Variants in BBX observed in about 807,000 individuals in gnomAD.
BBX encodes BBX high mobility group box domain containing.
In BBX, 30 loss-of-function variants were observed where a neutral mutation model predicts 100.2. The ratio of observed to expected loss-of-function variants is 0.30; its 90% CI spans 0.22 to 0.41. The LOEUF (loss-of-function observed/expected upper bound fraction) is 0.41, where lower values mean the gene tolerates loss of function less well. Ranked by LOEUF, BBX falls within the 10% of genes least tolerant of loss-of-function variation. The pLI is 1.00. For synonymous variants in BBX, 376 were observed against 388.1 expected (o/e 0.97, Z 0.37); for missense variants, 1,023 against 1,129.8 (o/e 0.91, Z 1.35).
At chr3:107,690,017 G>A (rs2060059802) in intron 3 of BBX, among the ~76,000 whole-genome samples, 1 of 152,122 alleles carries the variant, frequency 6.6e-6, no homozygotes, top group Admixed American at 6.5e-5. Context: ...TTATAAAGTG[G>A]TACATAGTTG....
At chr3:107,702,084 A>G (rs1054600816) in intron 3 of BBX, among the ~76,000 whole-genome samples, 6 of 152,232 alleles carry the variant, frequency 3.9e-5, no homozygotes, top group Non-Finnish European at 7.3e-5. Flanking sequence ...CCAACCTGAG[A>G]TTGAAAACTT....
In BBX at chr3:107,791,271, C is replaced by T. The variant is rs1252770639; in HGVS notation, c.2325C>T (p.Leu775=). ...GSGDKWSNKQ[L]FLDAIHPTEA... is the part of the protein sequence containing the mutation. ...GGGATAAATGGTCAAACAAGCAACT[C>T]TTCTTGGATGCCATTCACCCTACAG... The change falls in exon 15 of 18, where the codon CTC becomes CTT. Residue 775 remains leucine, a synonymous_variant. Coordinates refer to ENST00000325805, the MANE Select transcript of BBX (RefSeq NM_001142568.3). The T allele has an allele frequency of 5.0e-6, 8 of 1,613,244 alleles. No individual in the cohort carries two copies. The highest frequency in any genetic ancestry group is 6.8e-6 in the Non-Finnish European group (8 of 1,179,524).
Position 107,651,382 on chromosome 3 carries a change from A to G in BBX, c.-10+5473A>G, listed in dbSNP as rs566098736. 4.6e-5 allele frequency among the ~76,000 whole-genome samples: 7 copies of G among 152,316 alleles called. No individual in the cohort carries two copies. In the South Asian group the frequency reaches 8.3e-4, roughly 18 times the overall value. Reference sequence around the variant, plus strand: ...CACCATCCATGAAAATAAGGTTCTTACAAGTGAAGGAATTAAGTCTAAGAA... The same window carrying G: ...CACCATCCATGAAAATAAGGTTCTTGCAAGTGAAGGAATTAAGTCTAAGAA... On this transcript the variant is annotated intron_variant, in intron 3 of 17. Coordinates refer to ENST00000325805, the MANE Select transcript of BBX (RefSeq NM_001142568.3).
chr3:107,769,233 GATA>G (rs1195282518), intron 10 of BBX, among the ~76,000 whole-genome samples: 5 of 139,824 alleles, frequency 3.6e-5, no homozygotes, highest in African/African-American at 6.0e-5. Context: ...TAGATAGACA[GATA>G]GATAGGATAG....
At chr3:107,727,041 C>A (rs374338586) in intron 5 of BBX, among the ~76,000 whole-genome samples, 2 of 152,020 alleles carry the variant, frequency 1.3e-5, no homozygotes, top group African/African-American at 4.8e-5. Flanking sequence ...TCTGGTGACA[C>A]CTGTCTAGCA....
chr3:107,721,203 G>A (rs2062500052), intron 5 of BBX, among the ~76,000 whole-genome samples: 1 of 151,896 alleles, frequency 6.6e-6, no homozygotes, highest in Non-Finnish European at 1.5e-5. Context: ...AACATCTTTT[G>A]ACTGTTTTTT....
rs376677631 is a variant in BBX at position 107,535,505 on chromosome 3, CCT to C, written c.-84+9110_-84+9111del. 2.5e-3 allele frequency among the ~76,000 whole-genome samples: 375 copies of C among 151,422 alleles called. 2 individuals carry two copies. Among genetic ancestry groups the C allele is most frequent in the Admixed American group, 5.9e-3 (90 of 15,218 alleles). ...CTGTTATTTTTAATATTTATTAATTCCTCTGGTATATCAGTAGAAATTATTTA... is the reference window on the plus strand; with the variant it reads ...CTGTTATTTTTAATATTTATTAATTCCTGGTATATCAGTAGAAATTATTTA... On this transcript the variant is annotated intron_variant, in intron 2 of 17. Transcript: ENST00000325805.
intron 2 of BBX, among the ~76,000 whole-genome samples, chr3:107,583,280 AAAAGG>A (rs2052419822): frequency 6.6e-6 from 1 of 151,980 alleles, no homozygotes; most frequent in Admixed American, 6.6e-5. Context: ...TTTAACTTTC[AAAAGG>A]ATTGGAAAGG....
At chr3:107,737,891 T>TTG (rs1553795832) in intron 7 of BBX, among the ~76,000 whole-genome samples, 5 of 132,282 alleles carry the variant, frequency 3.8e-5, no homozygotes, top group East Asian at 4.2e-4. Flanking sequence ...CCAGTTTTTT[T>TTG]TTTTTTTTTT....
At chr3:107,765,788 G>C (rs1379912851) in intron 10 of BBX, among the ~76,000 whole-genome samples, 2 of 152,196 alleles carry the variant, frequency 1.3e-5, no homozygotes, top group Non-Finnish European at 2.9e-5. Context: ...GGGAGGATGG[G>C]AGAGGCCAAG....
intron 2 of BBX, among the ~76,000 whole-genome samples, chr3:107,542,985 G>T (rs2048970602): frequency 6.6e-6 from 1 of 152,164 alleles, no homozygotes; most frequent in African/African-American, 2.4e-5. Context: ...CATACACACA[G>T]TTGCTCCTCA....
intron 3 of BBX, among the ~76,000 whole-genome samples, chr3:107,658,219 A>T (rs1379836729): frequency 6.6e-6 from 1 of 152,162 alleles, no homozygotes; most frequent in Non-Finnish European, 1.5e-5. Flanking sequence ...TGATTTACAA[A>T]TCCTCTCCCT....
In BBX at chr3:107,712,421, C is replaced by T. The variant is rs189712525; in HGVS notation, c.162+1799C>T. On this transcript the variant is annotated intron_variant, in intron 4 of 17. Coordinates refer to ENST00000325805, the MANE Select transcript of BBX (RefSeq NM_001142568.3). ...TAAGCTTTTGCTTTTCTTCTCCCAA[C>T]CTTCTCCTGCATCTTCCCTTTCTCA... 5.8e-4 allele frequency among the ~76,000 whole-genome samples: 89 copies of T among 152,298 alleles called. No individual in the cohort carries two copies. The Middle Eastern group carries it at 0.01, about 17-fold the overall frequency.
At chr3:107,567,990 C>G (rs908302547) in intron 2 of BBX, among the ~76,000 whole-genome samples, 2 of 150,920 alleles carry the variant, frequency 1.3e-5, no homozygotes, top group African/African-American at 4.9e-5. Context: ...CTCCTCCATT[C>G]TCTTTCTTGG....
chr3:107,719,461 T>TC (rs2062365762), intron 5 of BBX, among the ~76,000 whole-genome samples: 1 of 152,042 alleles, frequency 6.6e-6, no homozygotes, highest in Admixed American at 6.6e-5. Flanking sequence ...CATGAAAATT[T>TC]CCTCTGACCC....
At chr3:107,629,987 A>G (rs1276565944) in intron 2 of BBX, among the ~76,000 whole-genome samples, 2 of 152,162 alleles carry the variant, frequency 1.3e-5, no homozygotes, top group African/African-American at 4.8e-5. Flanking sequence ...GTCTGATTCA[A>G]TATTACCTGT....
At chr3:107,564,618 T>A (rs934893925) in intron 2 of BBX, among the ~76,000 whole-genome samples, 21 of 152,234 alleles carry the variant, frequency 1.4e-4, no homozygotes, top group Non-Finnish European at 2.9e-4. Context: ...TCCAGCCCCG[T>A]CTGTAGTCTA....
At chr3:107,574,664 C>T (rs1182347517) in intron 2 of BBX, among the ~76,000 whole-genome samples, 2 of 152,104 alleles carry the variant, frequency 1.3e-5, no homozygotes, top group East Asian at 3.9e-4. Flanking sequence ...TTTACATCAC[C>T]ATTATTAAAG....
At chr3:107,746,993 C>T (rs188129730) in intron 8 of BBX, among the ~76,000 whole-genome samples, 157 of 152,240 alleles carry the variant, frequency 1.0e-3, no homozygotes, top group Non-Finnish European at 1.6e-3. Context: ...AGGCTTTCTG[C>T]TCCTGTGACC....
Sources: allele counts gnomAD v4.1 joint callset (sites outside exome capture counted in the v4.1 genomes callset), GRCh38; gene constraint gnomAD v4.1.1; transcripts MANE v1.5; gene names NCBI Gene and HGNC (gene_info 2026-07-23, HGNC 2026-07-21).